TCF12: variants seen among roughly 807,000 people sequenced by gnomAD.
TCF12 encodes the protein DNA-binding protein HTF4.
In TCF12, 45 loss-of-function variants were observed where a neutral mutation model predicts 86.0. The observed-to-expected ratio is 0.52, with a 90% CI of 0.41 to 0.67. The LOEUF (loss-of-function observed/expected upper bound fraction) is 0.67, where lower values mean the gene tolerates loss of function less well. Ranked by LOEUF, TCF12 falls within the 30% of genes least tolerant of loss-of-function variation. The probability of loss-of-function intolerance (pLI) is 0.00; values close to 1 mark genes in which losing one functional copy is unlikely to be tolerated. For missense variants in TCF12, 881 were observed against 859.9 expected (o/e 1.02, Z -0.31); for synonymous variants, 330 against 299.6 (o/e 1.10, Z -1.05).
chr15:57,073,038 T>C (rs1175146526), intron 4 of TCF12, among the ~76,000 whole-genome samples: 1 of 152,212 alleles, frequency 6.6e-6, no homozygotes, highest in Non-Finnish European at 1.5e-5. Flanking sequence ...CATGTTTCCA[T>C]TTTAAGACAA....
chr15:57,031,781 A>G (rs1447127639), intron 3 of TCF12, among the ~76,000 whole-genome samples: 2 of 152,198 alleles, frequency 1.3e-5, no homozygotes, highest in Admixed American at 1.3e-4. Flanking sequence ...GTGAGAAAGG[A>G]TGAAAAGCTT....
chr15:57,080,103 A>C (rs1240231340), intron 4 of TCF12, among the ~76,000 whole-genome samples: 1 of 152,252 alleles, frequency 6.6e-6, no homozygotes, highest in Non-Finnish European at 1.5e-5. Context: ...TAGTTACTTC[A>C]GTAAGCTGCT....
chr15:57,247,848 T>C, intron 13 of TCF12: 1 of 755,032 alleles, frequency 1.3e-6, no homozygotes, highest in Non-Finnish European at 2.4e-6. Context: ...TGGGGTCTCA[T>C]TACCACACAA....
intron 3 of TCF12, among the ~76,000 whole-genome samples, chr15:56,951,483 C>T (rs926692850): frequency 3.9e-5 from 6 of 152,030 alleles, no homozygotes; most frequent in African/African-American, 1.2e-4. Flanking sequence ...ATATTTTCTA[C>T]TAGGTGGATT....
chr15:57,032,201 CA>C (rs1221003071), intron 3 of TCF12, among the ~76,000 whole-genome samples: 1 of 152,102 alleles, frequency 6.6e-6, no homozygotes, highest in African/African-American at 2.4e-5. Flanking sequence ...ACTTTAAAAA[CA>C]GGTATGAGAT....
At chr15:57,215,667 A>G (rs1355909528) in intron 8 of TCF12, among the ~76,000 whole-genome samples, 2 of 152,164 alleles carry the variant, frequency 1.3e-5, no homozygotes, top group African/African-American at 2.4e-5. Context: ...ATTAACCACT[A>G]ACTGGCCTAT....
rs868327455 is a variant in TCF12 at position 56,978,838 on chromosome 15, A to G, written c.148+57740A>G. Among the ~76,000 whole-genome samples, 16 of 152,324 alleles carry G rather than the reference A, an allele frequency of 1.1e-4. No homozygotes were observed. The Middle Eastern group carries it at 0.014, about 130-fold the overall frequency. On this transcript the variant is annotated intron_variant, in intron 3 of 20. Coordinates refer to ENST00000333725, the MANE Select transcript of TCF12 (RefSeq NM_207037.2). ...AAAGCCCAAGGGAGCTTTATTCTTC[A>G]TAAGAAATTCTAAAGATAGAATTTC...
intron 3 of TCF12, among the ~76,000 whole-genome samples, chr15:57,061,475 G>T (rs1390854187): frequency 6.6e-6 from 1 of 152,134 alleles, no homozygotes; most frequent in African/African-American, 2.4e-5. Context: ...ATTGTGGCAT[G>T]TTCCTATAGT....
intron 3 of TCF12, among the ~76,000 whole-genome samples, chr15:57,014,688 T>C (rs1462505638): frequency 2.4e-4 from 37 of 151,716 alleles, no homozygotes; most frequent in Admixed American, 2.4e-3. Context: ...CCTAAAGGGG[T>C]CTTAGGGGAT....
chr15:57,045,382 T>C (rs1457244210), intron 3 of TCF12, among the ~76,000 whole-genome samples: 2 of 152,088 alleles, frequency 1.3e-5, no homozygotes, highest in Admixed American at 6.6e-5. Context: ...AGGAAAAGAG[T>C]TGATTTGTGA....
chr15:57,169,854 C>G (rs899154510), intron 6 of TCF12, among the ~76,000 whole-genome samples: 1 of 152,132 alleles, frequency 6.6e-6, no homozygotes, highest in Admixed American at 6.5e-5. Context: ...GCAATAAGTT[C>G]TATTAATGTA....
intron 18 of TCF12, among the ~76,000 whole-genome samples, chr15:57,265,088 TATA>T (rs1452784220): frequency 9.6e-6 from 1 of 104,450 alleles, no homozygotes; most frequent in African/African-American, 3.1e-5. Flanking sequence ...TATAGTATAG[TATA>T]GTATAGTATA....
At chr15:57,160,852 GTT>G (rs397796528) in intron 5 of TCF12, among the ~76,000 whole-genome samples, 1 of 147,208 alleles carries the variant, frequency 6.8e-6, no homozygotes, top group African/African-American at 2.5e-5. Flanking sequence ...GCCCAGCTAA[GTT>G]TTTTTTTTTA....
At position 57,200,592 on chromosome 15, in the gene TCF12, G is replaced by A. The variant is rs545497568; in HGVS notation, c.579+2767G>A. On this transcript the variant is annotated intron_variant, in intron 8 of 20. Transcript: ENST00000333725. ...TCTATCTTTAATCTGTAAAATATATGTGACTTTTTCTAAAGAAACAGTGAA... is the reference window on the plus strand; with the variant it reads ...TCTATCTTTAATCTGTAAAATATATATGACTTTTTCTAAAGAAACAGTGAA... 3.1e-3 allele frequency among the ~76,000 whole-genome samples: 467 copies of A among 152,266 alleles called. 1 individual carries two copies. The highest frequency in any genetic ancestry group is 0.011 in the African/African-American group (448 of 41,554).
intron 6 of TCF12, among the ~76,000 whole-genome samples, chr15:57,167,754 C>G (rs1353422938): frequency 6.6e-6 from 1 of 152,162 alleles, no homozygotes; most frequent in African/African-American, 2.4e-5. Context: ...TGGACCAACA[C>G]TCAGATTTCT....
chr15:57,032,422 T>G (rs1172420296), intron 3 of TCF12, among the ~76,000 whole-genome samples: 1 of 152,056 alleles, frequency 6.6e-6, no homozygotes, highest in Non-Finnish European at 1.5e-5. Flanking sequence ...ATATTCTGAG[T>G]TTTTTGTGTC....
At chr15:56,936,495 CTCTTTA>C (rs1328190398) in intron 3 of TCF12, among the ~76,000 whole-genome samples, 1 of 151,942 alleles carries the variant, frequency 6.6e-6, no homozygotes, top group African/African-American at 2.4e-5. Flanking sequence ...TAAGAGCTAC[CTCTTTA>C]TCTTTGTTTT....
Position 57,286,237 on chromosome 15 carries a change from A to G in TCF12, c.*92A>G. 1 of 201,230 alleles carries G rather than the reference A, an allele frequency of 5.0e-6. No individual in the cohort carries two copies. The highest frequency in any genetic ancestry group is 8.6e-5 in the South Asian group (1 of 11,678). The allele number at this position is 201,230 out of a possible 1,614,324, so 12.5% of individuals were successfully genotyped here. A position where few individuals can be genotyped will look rare whatever the true frequency, so the allele number is the denominator to read the frequency against. On this transcript the variant is annotated 3_prime_UTR_variant, in exon 21 of 21. Transcript: ENST00000333725. ...ACAACTCAGATTATCTGAAGACACA[A>G]ACCTGACAGGAGGGAGAAGAAAAAA...
chr15:57,056,711 G>T (rs552959209), intron 3 of TCF12, among the ~76,000 whole-genome samples: 1 of 151,598 alleles, frequency 6.6e-6, no homozygotes, highest in African/African-American at 2.4e-5. Flanking sequence ...CACCTGCCTT[G>T]GCCTCCCAAA....
Sources: allele counts gnomAD v4.1 joint callset (sites outside exome capture counted in the v4.1 genomes callset), GRCh38; gene constraint gnomAD v4.1.1; transcripts MANE v1.5; gene names NCBI Gene and HGNC (gene_info 2026-07-23, HGNC 2026-07-21).